DLG2: variants seen among roughly 807,000 people sequenced by gnomAD.
The protein encoded by DLG2 is discs large MAGUK scaffold protein 2.
A neutral mutation model predicts 132.5 loss-of-function variants in DLG2; 45 were observed. The ratio of observed to expected loss-of-function variants is 0.34; its 90% CI spans 0.27 to 0.44. The LOEUF is 0.44. Among genes scored for constraint, DLG2 ranks in the 20% least tolerant of loss-of-function variants. The probability of loss-of-function intolerance (pLI) is 1.00; values close to 1 mark genes in which losing one functional copy is unlikely to be tolerated. For missense variants in DLG2, 1,045 were observed against 1,196.9 expected (o/e 0.87, Z 1.87); for synonymous variants, 424 against 419.6 (o/e 1.01, Z -0.13).
intron 15 of DLG2, among the ~76,000 whole-genome samples, chr11:83,917,640 G>T (rs1007152910): frequency 2.0e-5 from 3 of 152,142 alleles, no homozygotes; most frequent in African/African-American, 7.2e-5. Context: ...CCCTCTGTCT[G>T]CCAGTTCTTC....
At chr11:84,206,032 T>A (rs2096660781) in intron 8 of DLG2, among the ~76,000 whole-genome samples, 1 of 151,938 alleles carries the variant, frequency 6.6e-6, no homozygotes, top group African/African-American at 2.4e-5. Context: ...TAAACAGAAA[T>A]GAAGGCAATA....
At chr11:84,382,112 A>G (rs2098750896) in intron 7 of DLG2, among the ~76,000 whole-genome samples, 1 of 152,188 alleles carries the variant, frequency 6.6e-6, no homozygotes, top group South Asian at 2.1e-4. Context: ...CAGTCCTGAC[A>G]TGGAAGGAAA....
chr11:83,615,766 C>T (rs1436996409), intron 19 of DLG2, among the ~76,000 whole-genome samples: 2 of 152,200 alleles, frequency 1.3e-5, no homozygotes, highest in Non-Finnish European at 2.9e-5. Context: ...TGGCCCTAGG[C>T]TGACAGGAGC....
At chr11:85,609,216 CCT>C (rs1310283064) in intron 2 of DLG2, among the ~76,000 whole-genome samples, 2 of 152,176 alleles carry the variant, frequency 1.3e-5, no homozygotes, top group Admixed American at 1.3e-4. Context: ...AATATACTCC[CCT>C]GTCACCCAAC....
At chr11:84,993,904 AC>A (rs1382298546) in intron 6 of DLG2, among the ~76,000 whole-genome samples, 1 of 151,854 alleles carries the variant, frequency 6.6e-6, no homozygotes, top group Non-Finnish European at 1.5e-5. Context: ...GCAGGAACAG[AC>A]CCCGCACCAG....
intron 18 of DLG2, among the ~76,000 whole-genome samples, chr11:83,707,352 C>T (rs945131176): frequency 2.0e-5 from 3 of 152,182 alleles, no homozygotes; most frequent in Non-Finnish European, 4.4e-5. Flanking sequence ...TATCCAGTAC[C>T]GTGCAGTGCA....
chr11:84,987,823 A>G (rs1177361030), intron 6 of DLG2, among the ~76,000 whole-genome samples: 1 of 152,226 alleles, frequency 6.6e-6, no homozygotes, highest in African/African-American at 2.4e-5. Flanking sequence ...ATTCTCGATG[A>G]TAACATTGGA....
intron 11 of DLG2, 90 bp downstream of exon 11, chr11:84,059,225 G>A: frequency 7.7e-7 from 1 of 1,306,474 alleles, no homozygotes; most frequent in South Asian, 1.2e-5. Flanking sequence ...AATGTCAGAG[G>A]TTAAAGAGTT....
chr11:83,902,795 T>A (rs79327665), intron 15 of DLG2, among the ~76,000 whole-genome samples: 1 of 152,064 alleles, frequency 6.6e-6, no homozygotes, highest in Admixed American at 6.6e-5. Context: ...CCCCTGAGGA[T>A]AAAAAAGCAG....
intron 10 of DLG2, among the ~76,000 whole-genome samples, chr11:84,090,736 C>G (rs538193483): frequency 6.6e-6 from 1 of 152,222 alleles, no homozygotes; most frequent in East Asian, 1.9e-4. Flanking sequence ...TTAAAATGTT[C>G]ATTCTATCAG....
rs527328584 is a variant in DLG2, at chr11:83,921,040, C to A, written c.1496+9288G>T. 3.9e-5 allele frequency among the ~76,000 whole-genome samples: 6 copies of A among 152,236 alleles called. 1 individual carries two copies. The East Asian group carries it at 1.2e-3, about 29-fold the overall frequency. On this transcript the variant is annotated intron_variant, in intron 15 of 27. Coordinates refer to ENST00000376104, the MANE Select transcript of DLG2 (RefSeq NM_001142699.3). ...TTAAGCACATTTAAAAACACAGACTCTAGTACCAGCCTAGTTAGGTTCAAA... is the reference window on the plus strand; with the variant it reads ...TTAAGCACATTTAAAAACACAGACTATAGTACCAGCCTAGTTAGGTTCAAA...
At chr11:85,490,171 G>C (rs1182998282) in intron 3 of DLG2, among the ~76,000 whole-genome samples, 4 of 151,944 alleles carry the variant, frequency 2.6e-5, no homozygotes, top group Non-Finnish European at 5.9e-5. Context: ...CTGGGTGACA[G>C]AATAAAATCC....
chr11:84,553,979 A>G (rs2154524729), intron 6 of DLG2, among the ~76,000 whole-genome samples: 1 of 152,340 alleles, frequency 6.6e-6, no homozygotes, highest in South Asian at 2.1e-4. Context: ...TTTCACTTCT[A>G]GAGACTTGGC....
At chr11:85,331,298 A>C (rs544108145) in intron 3 of DLG2, among the ~76,000 whole-genome samples, 3 of 152,300 alleles carry the variant, frequency 2.0e-5, no homozygotes, top group African/African-American at 7.2e-5. Context: ...GGCCAAAAAA[A>C]GTTCAATATA....
chr11:84,881,883 C>T (rs2087403827), intron 6 of DLG2, among the ~76,000 whole-genome samples: 1 of 151,984 alleles, frequency 6.6e-6, no homozygotes, highest in Non-Finnish European at 1.5e-5. Flanking sequence ...TAGGTTAGCC[C>T]CAAATGCTGT....
intron 10 of DLG2, among the ~76,000 whole-genome samples, chr11:84,097,062 G>A (rs907120548): frequency 6.6e-6 from 1 of 152,090 alleles, no homozygotes; most frequent in African/African-American, 2.4e-5. Flanking sequence ...ACAGACTGAG[G>A]AAGTGCTATG....
chr11:83,700,228 G>C (rs1483734213), intron 18 of DLG2, among the ~76,000 whole-genome samples: 1 of 152,088 alleles, frequency 6.6e-6, no homozygotes, highest in Non-Finnish European at 1.5e-5. Flanking sequence ...AGTAAGCATT[G>C]ACACACATCA....
chr11:84,003,711 G>A (rs562260171), intron 11 of DLG2, among the ~76,000 whole-genome samples: 45 of 152,122 alleles, frequency 3.0e-4, no homozygotes, highest in African/African-American at 1.0e-3. Context: ...GGGATTATGG[G>A]TATTATATGG....
At chr11:84,874,725 A>G (rs1456223176) in intron 6 of DLG2, among the ~76,000 whole-genome samples, 3 of 152,146 alleles carry the variant, frequency 2.0e-5, no homozygotes, top group African/African-American at 4.8e-5. Flanking sequence ...AAAGACATAC[A>G]TAAGAAAGAT....
Sources: gnomAD v4.1 joint callset for allele counts (sites outside exome capture counted in the v4.1 genomes callset) on GRCh38, gnomAD v4.1.1 for gene constraint, MANE v1.5 for transcripts, NCBI Gene and HGNC (gene_info 2026-07-23, HGNC 2026-07-21) for gene names.